ANK3: variants seen among roughly 807,000 people sequenced by gnomAD.
The protein encoded by ANK3 is ankyrin 3, also known as ankyrin-3.
A neutral mutation model predicts 370.9 loss-of-function variants in ANK3; 57 were observed. The ratio of observed to expected loss-of-function variants is 0.15; its 90% CI spans 0.12 to 0.19. The LOEUF (loss-of-function observed/expected upper bound fraction) is 0.19. Among genes scored for constraint, ANK3 ranks in the 10% least tolerant of loss-of-function variants. ANK3 has a pLI of 1.00. For synonymous variants in ANK3, 1,929 were observed against 1,946.3 expected (o/e 0.99, Z 0.23); for missense variants, 4,439 against 5,302.1 (o/e 0.84, Z 5.06).
chr10:60,279,223 G>C, intron 2 of ANK3, 75 bp from the exon 3 acceptor site: 1 of 1,283,558 alleles, frequency 7.8e-7, no homozygotes, highest in Non-Finnish European at 1.1e-6. Flanking sequence ...AAGAACTCCT[G>C]AGATATTATA....
At chr10:60,304,570 G>C (rs1197146175) in intron 1 of ANK3, among the ~76,000 whole-genome samples, 3 of 152,136 alleles carry the variant, frequency 2.0e-5, no homozygotes, top group Non-Finnish European at 2.9e-5. Flanking sequence ...TTGAACCCCA[G>C]AGGCGGAGGT....
In ANK3 at chr10:60,614,964, T is replaced by C. The variant is rs146478579; in HGVS notation, c.96+222A>G. Among the ~76,000 whole-genome samples, 399 of 152,276 alleles carry C rather than the reference T, an allele frequency of 2.6e-3. 2 individuals carry two copies. Among genetic ancestry groups the C allele is most frequent in the African/African-American group, 9.0e-3 (373 of 41,562 alleles). On this transcript the variant is annotated intron_variant, in intron 2 of 43. Transcript: ENST00000373827. ...ATAGCACCAAGGAATTATCCTACCA[T>C]GAGCACAAGTCCGGGTGACCAGGTT... is the stretch of plus-strand genomic sequence containing the variant.
intron 1 of ANK3, among the ~76,000 whole-genome samples, chr10:60,641,608 T>G (rs1433561248): frequency 6.6e-6 from 1 of 151,904 alleles, no homozygotes; most frequent in Admixed American, 6.6e-5. Flanking sequence ...ATCCCTTCCT[T>G]ACACCTTATA....
intron 8 of ANK3, among the ~76,000 whole-genome samples, chr10:60,233,767 T>C (rs998142753): frequency 2.6e-5 from 4 of 152,142 alleles, no homozygotes; most frequent in South Asian, 2.1e-4. Context: ...GTAAAATACA[T>C]ACAACATAAA....
rs139495169 is a variant in ANK3, at chr10:60,514,542, C to T, written c.96+100644G>A. Among the ~76,000 whole-genome samples the T allele has an allele frequency of 4.7e-3, 709 of 152,206 alleles. 2 individuals are homozygous for T. The highest frequency in any genetic ancestry group is 7.9e-3 in the Non-Finnish European group (539 of 67,982). Reference sequence around the variant, plus strand: ...TCTTGCAGTTGGATCCCCCCATATACATCCTTTAATCCCTTCAAATAAGCT... The same window carrying T: ...TCTTGCAGTTGGATCCCCCCATATATATCCTTTAATCCCTTCAAATAAGCT... On this transcript the variant is annotated intron_variant, in intron 2 of 43. Transcript: ENST00000373827.
At chr10:60,084,537 C>A (rs1331801714) in intron 32 of ANK3, 65 bp downstream of exon 32, 2 of 1,363,252 alleles carry the variant, frequency 1.5e-6, no homozygotes, top group Admixed American at 1.7e-5. Context: ...GCTATTAAGA[C>A]CACAAAATAA....
chr10:60,694,743 G>A (rs1218289640), intron 1 of ANK3, among the ~76,000 whole-genome samples: 5 of 151,760 alleles, frequency 3.3e-5, no homozygotes, highest in Non-Finnish European at 7.4e-5. Flanking sequence ...AGCTCCCGAA[G>A]GAAGCGCTAA....
intron 25 of ANK3, among the ~76,000 whole-genome samples, chr10:60,124,205 T>G (rs967599945): frequency 2.0e-5 from 3 of 152,194 alleles, no homozygotes; most frequent in African/African-American, 7.2e-5. Flanking sequence ...TCGCCTAGGC[T>G]CAAGTGCAGT....
At chr10:60,469,868 T>C (rs2065173268) in intron 2 of ANK3, among the ~76,000 whole-genome samples, 1 of 151,530 alleles carries the variant, frequency 6.6e-6, no homozygotes, top group African/African-American at 2.4e-5. Flanking sequence ...ATGAAACCCA[T>C]TCTCTCACCA....
intron 1 of ANK3, among the ~76,000 whole-genome samples, chr10:60,651,311 C>G (rs1564490070): frequency 6.6e-6 from 1 of 152,150 alleles, no homozygotes; most frequent in African/African-American, 2.4e-5. Flanking sequence ...TCAAGATCAG[C>G]AGTCATTCCA....
At position 60,525,806 on chromosome 10, in the gene ANK3, C is replaced by A. The variant is rs867114652; in HGVS notation, c.96+89380G>T. ...ATTGTGGGGAACAAATGCATGCGAA[C>A]GCACTTTGTAAATGATGAAGCACCT... On this transcript the variant is annotated intron_variant, in intron 2 of 43. Transcript: ENST00000373827. Among the ~76,000 whole-genome samples, 4 of 152,190 alleles carry A rather than the reference C, an allele frequency of 2.6e-5. 1 individual carries two copies. The Middle Eastern group carries it at 0.014, about 518-fold the overall frequency.
intron 40 of ANK3, chr10:60,059,766 G>A: frequency 6.2e-7 from 1 of 1,614,136 alleles, no homozygotes; most frequent in African/African-American, 1.3e-5. Flanking sequence ...TAAAGGCACT[G>A]AGTCTTCCAG....
At chr10:60,603,359 T>C (rs1371226025) in intron 2 of ANK3, among the ~76,000 whole-genome samples, 1 of 152,132 alleles carries the variant, frequency 6.6e-6, no homozygotes, top group Non-Finnish European at 1.5e-5. Context: ...TTTCCTAAAA[T>C]GTGAGTGTGG....
intron 42 of ANK3, among the ~76,000 whole-genome samples, chr10:60,053,293 G>T (rs1033846414): frequency 1.3e-5 from 2 of 152,198 alleles, no homozygotes; most frequent in African/African-American, 4.8e-5. Context: ...AACTGAATCT[G>T]AATTATCTGT....
At chr10:60,644,275 T>C (rs2078677411) in intron 1 of ANK3, among the ~76,000 whole-genome samples, 1 of 152,182 alleles carries the variant, frequency 6.6e-6, no homozygotes, top group South Asian at 2.1e-4. Flanking sequence ...GAACATAGCA[T>C]CTGCCCAAAC....
At chr10:60,720,364 C>A (rs1269056634) in intron 1 of ANK3, among the ~76,000 whole-genome samples, 1 of 152,152 alleles carries the variant, frequency 6.6e-6, no homozygotes, top group Non-Finnish European at 1.5e-5. Context: ...GAAATGAATT[C>A]AGTTACCCTT....
At chr10:60,042,965 T>C (rs1316480672) in intron 42 of ANK3, 7 of 1,363,910 alleles carry the variant, frequency 5.1e-6, no homozygotes, top group African/African-American at 1.5e-5. Context: ...TCAAAATGAA[T>C]ACAACATAAT....
intron 24 of ANK3, among the ~76,000 whole-genome samples, chr10:60,137,936 T>C (rs1407413225): frequency 6.6e-6 from 1 of 152,090 alleles, no homozygotes; most frequent in Non-Finnish European, 1.5e-5. Flanking sequence ...AGATTGCATA[T>C]TTTTTTAAAG....
At chr10:60,417,595 C>T (rs552637972) in intron 2 of ANK3, among the ~76,000 whole-genome samples, 1 of 152,258 alleles carries the variant, frequency 6.6e-6, no homozygotes, top group African/African-American at 2.4e-5. Flanking sequence ...GGTGATGTGC[C>T]ACCTATGAAG....
Sources: gnomAD v4.1 joint callset for allele counts (sites outside exome capture counted in the v4.1 genomes callset) on GRCh38, gnomAD v4.1.1 for gene constraint, MANE v1.5 for transcripts, NCBI Gene and HGNC (gene_info 2026-07-23, HGNC 2026-07-21) for gene names.